Variants in PPFIA2 observed in about 807,000 individuals in gnomAD.
PPFIA2 encodes the protein PPFI scaffold protein A2, also known as liprin-alpha-2.
PPFIA2 carries 46 observed loss-of-function variants against 175.5 expected under a neutral mutation model. The ratio of observed to expected loss-of-function variants is 0.26; its 90% CI spans 0.21 to 0.34. The LOEUF is 0.34. PPFIA2 is among the 10% of genes least tolerant of loss of function. The probability of loss-of-function intolerance (pLI) is 1.00; values close to 1 mark genes in which losing one functional copy is unlikely to be tolerated. For synonymous variants in PPFIA2, 568 were observed against 511.4 expected, an observed-to-expected ratio of 1.11 and a Z score of -1.49; for missense variants, 1,179 against 1,506.1, an observed-to-expected ratio of 0.78 and a Z score of 3.60.
intron 15 of PPFIA2, among the ~76,000 whole-genome samples, chr12:81,361,680 T>A (rs1172317540): frequency 6.6e-6 from 1 of 151,636 alleles, no homozygotes; most frequent in Non-Finnish European, 1.5e-5. Flanking sequence ...ATAATATATC[T>A]TGAGAGCATA....
At chr12:81,581,961 A>G (rs1266420681) in intron 4 of PPFIA2, among the ~76,000 whole-genome samples, 1 of 151,926 alleles carries the variant, frequency 6.6e-6, no homozygotes, top group Admixed American at 6.6e-5. Context: ...TTAAAAATAA[A>G]CTGAACCTCG....
chr12:81,606,552 G>A (rs1356153387), intron 4 of PPFIA2, among the ~76,000 whole-genome samples: 1 of 152,002 alleles, frequency 6.6e-6, no homozygotes, highest in Non-Finnish European at 1.5e-5. Flanking sequence ...GTTTTCATTT[G>A]CAATTCTCTG....
intron 8 of PPFIA2, among the ~76,000 whole-genome samples, chr12:81,396,002 T>C (rs2142447049): frequency 6.6e-6 from 1 of 152,192 alleles, no homozygotes; most frequent in East Asian, 1.9e-4. Context: ...TTTTTCACAT[T>C]AATCTGCCTT....
intron 4 of PPFIA2, among the ~76,000 whole-genome samples, chr12:81,660,196 G>A (rs1251868897): frequency 6.6e-6 from 1 of 152,190 alleles, no homozygotes; most frequent in Non-Finnish European, 1.5e-5. Flanking sequence ...AAGATGGATG[G>A]AGAATGACTT....
chr12:81,610,724 C>T (rs907091232), intron 4 of PPFIA2, among the ~76,000 whole-genome samples: 2 of 152,168 alleles, frequency 1.3e-5, no homozygotes, highest in African/African-American at 4.8e-5. Flanking sequence ...CTATGTTTGT[C>T]ATTTCAGTCA....
At chr12:81,367,828 A>G (rs773235232) in intron 13 of PPFIA2, among the ~76,000 whole-genome samples, 1 of 151,692 alleles carries the variant, frequency 6.6e-6, no homozygotes, top group Non-Finnish European at 1.5e-5. Flanking sequence ...ACTATAAGAC[A>G]TTATTTAAAA....
chr12:81,723,054 C>T (rs2079557431), intron 3 of PPFIA2, among the ~76,000 whole-genome samples: 1 of 151,034 alleles, frequency 6.6e-6, no homozygotes, highest in Admixed American at 6.6e-5. Flanking sequence ...ATCTGCCTAG[C>T]TTCAATTTAA....
chr12:81,423,234 T>C (rs1359795955), intron 7 of PPFIA2, among the ~76,000 whole-genome samples: 2 of 152,008 alleles, frequency 1.3e-5, no homozygotes, highest in Admixed American at 6.6e-5. Context: ...TTCCAAAAAA[T>C]AGAAGAAGCA....
At chr12:81,513,083 G>T (rs2061988067) in intron 4 of PPFIA2, among the ~76,000 whole-genome samples, 1 of 151,912 alleles carries the variant, frequency 6.6e-6, no homozygotes. Context: ...ATCAAAAAGT[G>T]GGCAAAGGAC....
intron 6 of PPFIA2, among the ~76,000 whole-genome samples, chr12:81,440,623 A>G (rs1482784877): frequency 1.3e-5 from 2 of 151,970 alleles, no homozygotes; most frequent in East Asian, 1.9e-4. Flanking sequence ...GGAATTTCCA[A>G]CTAGCTTCCA....
chr12:81,621,043 A>T (rs1018797697), intron 4 of PPFIA2, among the ~76,000 whole-genome samples: 3 of 152,242 alleles, frequency 2.0e-5, no homozygotes, highest in Non-Finnish European at 2.9e-5. Flanking sequence ...AGAATAAATA[A>T]CCAATTTATA....
At chr12:81,301,788 C>A (rs1184308653) in intron 22 of PPFIA2, among the ~76,000 whole-genome samples, 2 of 152,120 alleles carry the variant, frequency 1.3e-5, no homozygotes, top group African/African-American at 2.4e-5. Context: ...ACATGGCTAA[C>A]TCTCTCAGCT....
At chr12:81,629,779 T>G (rs894852754) in intron 4 of PPFIA2, among the ~76,000 whole-genome samples, 9 of 152,138 alleles carry the variant, frequency 5.9e-5, no homozygotes, top group Admixed American at 3.3e-4. Context: ...CTTTAAGAAA[T>G]GAACACTGCT....
At chr12:81,394,570 C>T (rs562514501) in intron 8 of PPFIA2, among the ~76,000 whole-genome samples, 38 of 151,944 alleles carry the variant, frequency 2.5e-4, no homozygotes, top group East Asian at 3.9e-4. Context: ...AACCAAACAC[C>T]GCATGTTCTC....
chr12:81,312,685 T>C (rs948404975), intron 22 of PPFIA2, among the ~76,000 whole-genome samples: 1 of 152,194 alleles, frequency 6.6e-6, no homozygotes, highest in Non-Finnish European at 1.5e-5. Context: ...TCTGAAAATC[T>C]AGATTCTATT....
At chr12:81,748,425 T>C (rs2083324240) in intron 3 of PPFIA2, among the ~76,000 whole-genome samples, 1 of 144,804 alleles carries the variant, frequency 6.9e-6, no homozygotes, top group Admixed American at 7.3e-5. Context: ...TTACCAAAAA[T>C]GACTTAAGCA....
At chr12:81,546,926 C>T (rs1036371992) in intron 4 of PPFIA2, among the ~76,000 whole-genome samples, 1 of 152,056 alleles carries the variant, frequency 6.6e-6, no homozygotes, top group Non-Finnish European at 1.5e-5. Context: ...GATTCTCTAC[C>T]TGTCTTCTTC....
intron 3 of PPFIA2, among the ~76,000 whole-genome samples, chr12:81,701,763 T>A (rs537054922): frequency 1.1e-3 from 162 of 151,944 alleles, no homozygotes; most frequent in Non-Finnish European, 2.0e-3. Flanking sequence ...TAAAAAATAG[T>A]AATACAGTTC....
intron 4 of PPFIA2, among the ~76,000 whole-genome samples, chr12:81,664,085 C>T (rs1347861021): frequency 6.6e-6 from 1 of 152,030 alleles, no homozygotes; most frequent in African/African-American, 2.4e-5. Context: ...CCATAAAAAC[C>T]CTAGAAGAAA....
Sources: gnomAD v4.1 joint callset for allele counts (sites outside exome capture counted in the v4.1 genomes callset) on GRCh38, gnomAD v4.1.1 for gene constraint, MANE v1.5 for transcripts, NCBI Gene and HGNC (gene_info 2026-07-23, HGNC 2026-07-21) for gene names.